LRRTM4: variants seen among roughly 807,000 people sequenced by gnomAD.
The protein encoded by LRRTM4 is leucine rich repeat transmembrane neuronal 4, also known as leucine-rich repeat transmembrane neuronal protein 4.
Under a neutral mutation model 47.6 loss-of-function variants are expected in LRRTM4, and 25 were observed. That is an observed-to-expected ratio of 0.53 (90% CI 0.38 to 0.73). The LOEUF is 0.73. Among genes scored for constraint, LRRTM4 ranks in the 30% least tolerant of loss-of-function variants. The pLI, the probability that LRRTM4 is intolerant of heterozygous loss-of-function variation, is 0.00. For synonymous variants in LRRTM4, 311 were observed against 269.5 expected, an observed-to-expected ratio of 1.15 and a Z score of -1.51; for missense variants, 638 against 713.4, an observed-to-expected ratio of 0.89 and a Z score of 1.20.
At chr2:76,909,454 A>C (rs1164509216) in intron 3 of LRRTM4, among the ~76,000 whole-genome samples, 4 of 152,076 alleles carry the variant, frequency 2.6e-5, no homozygotes, top group Admixed American at 6.6e-5. Context: ...CATGTCTAAA[A>C]CACCAAAAGC....
intron 3 of LRRTM4, among the ~76,000 whole-genome samples, chr2:76,952,333 A>G (rs1189266746): frequency 6.6e-6 from 1 of 151,990 alleles, no homozygotes; most frequent in Admixed American, 6.6e-5. Flanking sequence ...CCTATGAGGA[A>G]CTTAAACAAA....
chr2:76,806,209 A>G (rs1573141038), intron 3 of LRRTM4, among the ~76,000 whole-genome samples: 1 of 151,434 alleles, frequency 6.6e-6, no homozygotes, highest in South Asian at 2.1e-4. Flanking sequence ...AGGCACTCAG[A>G]AAAAGGAAAA....
chr2:77,334,966 C>T (rs67084826), intron 3 of LRRTM4, among the ~76,000 whole-genome samples: 5,946 of 152,176 alleles, frequency 0.039, 241 homozygotes, highest in East Asian at 0.21. Flanking sequence ...TTAGTAAATG[C>T]TAGTTTCTAT....
At chr2:77,321,577 G>GAA in intron 3 of LRRTM4, among the ~76,000 whole-genome samples, 1 of 104,734 alleles carries the variant, frequency 9.5e-6, no homozygotes, top group East Asian at 4.5e-4. Context: ...TGAAAGAAAA[G>GAA]AAAAGAAAAG....
At chr2:77,352,655 C>T (rs1425842263) in intron 3 of LRRTM4, among the ~76,000 whole-genome samples, 2 of 152,070 alleles carry the variant, frequency 1.3e-5, no homozygotes, top group Non-Finnish European at 2.9e-5. Flanking sequence ...ACAGAAATCC[C>T]TTAAGCCACA....
At chr2:77,086,752 C>T (rs2103871744) in intron 3 of LRRTM4, among the ~76,000 whole-genome samples, 1 of 152,194 alleles carries the variant, frequency 6.6e-6, no homozygotes, top group African/African-American at 2.4e-5. Flanking sequence ...GCCACAGCCT[C>T]CCAAAGTGCT....
intron 3 of LRRTM4, among the ~76,000 whole-genome samples, chr2:77,122,637 T>A (rs1331788211): frequency 6.6e-6 from 1 of 151,682 alleles, no homozygotes; most frequent in Non-Finnish European, 1.5e-5. Flanking sequence ...TCAGAAAGTC[T>A]GATATTAGGC....
chr2:77,101,077 C>T (rs1436877836), intron 3 of LRRTM4, among the ~76,000 whole-genome samples: 3 of 151,930 alleles, frequency 2.0e-5, no homozygotes, highest in Non-Finnish European at 4.4e-5. Context: ...CCTCGTGATC[C>T]ACCCGCCTCG....
In LRRTM4 at chr2:77,174,039, CAGG is replaced by C. The variant is rs1178497236; in HGVS notation, c.1551+344276_1551+344278del. ...AGTATCTTTTGGAAGCTTAAAAAAG[CAGG>C]AGTTGTGCTGCCACCCCCTAAGGAG... On this transcript the variant is annotated intron_variant, in intron 3 of 3. Coordinates refer to ENST00000409884, the MANE Select transcript of LRRTM4 (RefSeq NM_001134745.3). Among the ~76,000 whole-genome samples, 11 of 152,162 alleles carry C rather than the reference CAGG, an allele frequency of 7.2e-5. No individual in the cohort carries two copies. In the East Asian group the frequency reaches 1.9e-3, roughly 27 times the overall value.
chr2:77,236,010 T>C (rs1675093937), intron 3 of LRRTM4, among the ~76,000 whole-genome samples: 1 of 152,178 alleles, frequency 6.6e-6, no homozygotes, highest in South Asian at 2.1e-4. Flanking sequence ...AATTCCTTTT[T>C]CGTTCCATAT....
chr2:77,274,230 T>C (rs78390127), intron 3 of LRRTM4, among the ~76,000 whole-genome samples: 3,302 of 152,178 alleles, frequency 0.022, 76 homozygotes, highest in East Asian at 0.1. Flanking sequence ...TATATTAAGA[T>C]ACCCAATAAT....
At chr2:77,041,109 A>T (rs1679017663) in intron 3 of LRRTM4, among the ~76,000 whole-genome samples, 1 of 151,334 alleles carries the variant, frequency 6.6e-6, no homozygotes, top group Admixed American at 6.6e-5. Context: ...CTGGTAACCA[A>T]TCTCCTGCTT....
At chr2:76,792,782 A>T (rs946519513) in intron 3 of LRRTM4, among the ~76,000 whole-genome samples, 8 of 152,052 alleles carry the variant, frequency 5.3e-5, no homozygotes, top group African/African-American at 1.9e-4. Context: ...TCTCTCCTCA[A>T]CTTAGAAAAT....
chr2:76,937,828 A>C (rs1363868455), intron 3 of LRRTM4, among the ~76,000 whole-genome samples: 3 of 152,028 alleles, frequency 2.0e-5, no homozygotes, highest in Non-Finnish European at 4.4e-5. Flanking sequence ...AGGCTCCCAA[A>C]GTGCTGGGAT....
intron 3 of LRRTM4, among the ~76,000 whole-genome samples, chr2:77,142,424 CACACAT>C (rs1385674995): frequency 1.7e-5 from 2 of 118,536 alleles, no homozygotes; most frequent in East Asian, 6.4e-4. Flanking sequence ...TGTTACCACA[CACACAT>C]ACACACACAC....
chr2:76,909,830 A>C (rs558781161), intron 3 of LRRTM4, among the ~76,000 whole-genome samples: 53 of 152,326 alleles, frequency 3.5e-4, no homozygotes, highest in African/African-American at 1.1e-3. Flanking sequence ...GGCAATCATT[A>C]AAAAGGCAGG....
At chr2:76,806,897 C>G (rs555687316) in intron 3 of LRRTM4, among the ~76,000 whole-genome samples, 1 of 151,874 alleles carries the variant, frequency 6.6e-6, no homozygotes, top group Admixed American at 6.6e-5. Context: ...AAATGAATTT[C>G]ATAAATAAAA....
At chr2:77,514,079 T>C (rs1679120837) in intron 3 of LRRTM4, among the ~76,000 whole-genome samples, 1 of 151,796 alleles carries the variant, frequency 6.6e-6, no homozygotes. Flanking sequence ...CATATATATA[T>C]ACAGACATAC....
chr2:76,999,757 G>C (rs1193276647), intron 3 of LRRTM4, among the ~76,000 whole-genome samples: 1 of 152,064 alleles, frequency 6.6e-6, no homozygotes, highest in Non-Finnish European at 1.5e-5. Flanking sequence ...ACACAGTTTA[G>C]AATTTCTCTG....
Sources: gnomAD v4.1 joint callset for allele counts (sites outside exome capture counted in the v4.1 genomes callset) on GRCh38, gnomAD v4.1.1 for gene constraint, MANE v1.5 for transcripts, NCBI Gene and HGNC (gene_info 2026-07-23, HGNC 2026-07-21) for gene names.